CACNA1H: variants seen among roughly 807,000 people sequenced by gnomAD.
The protein encoded by CACNA1H is voltage-dependent T-type calcium channel subunit alpha-1H.
CACNA1H carries 149 observed loss-of-function variants against 192.5 expected under a neutral mutation model. The observed-to-expected ratio is 0.77, with a 90% CI of 0.68 to 0.89. The LOEUF (loss-of-function observed/expected upper bound fraction) is 0.89. Ranked by LOEUF, CACNA1H falls within the 40% of genes least tolerant of loss-of-function variation. CACNA1H has a pLI of 0.00. For missense variants in CACNA1H, 4,257 were observed against 3,423.5 expected (o/e 1.24, Z -6.08); for synonymous variants, 2,202 against 1,475.2 (o/e 1.49, Z -11.29).
chr16:1,203,781 G>T (rs936507260), intron 9 of CACNA1H, among the ~76,000 whole-genome samples: 5 of 152,196 alleles, frequency 3.3e-5, no homozygotes, highest in African/African-American at 1.2e-4. Context: ...AACAGTCGTG[G>T]CTCAGGGCCC....
chr16:1,173,508 T>A (rs1260470525), intron 2 of CACNA1H, among the ~76,000 whole-genome samples: 1 of 152,274 alleles, frequency 6.6e-6, no homozygotes, highest in African/African-American at 2.4e-5. Context: ...TTTTAAAAAA[T>A]TGTTTACTAA....
intron 32 of CACNA1H, 42 bp from the exon 33 acceptor site, chr16:1,218,168 G>T: frequency 6.5e-7 from 1 of 1,536,600 alleles, no homozygotes; most frequent in Non-Finnish European, 8.8e-7. Context: ...TGGCACCCGC[G>T]GGTGGGTGTG....
intron 2 of CACNA1H, chr16:1,157,863 C>T (rs1159730895): frequency 6.6e-6 from 1 of 152,272 alleles, no homozygotes; most frequent in Non-Finnish European, 1.5e-5. Context: ...GTCCCTTCTG[C>T]CTGGGTGGAC....
At chr16:1,165,314 AC>A (rs1963646597) in intron 2 of CACNA1H, among the ~76,000 whole-genome samples, 1 of 152,138 alleles carries the variant, frequency 6.6e-6, no homozygotes, top group South Asian at 2.1e-4. Flanking sequence ...GAATCGGCAG[AC>A]CCAGACCCCA....
In CACNA1H at chr16:1,219,148, C is replaced by G; in HGVS notation, c.6048+18C>G. 6.6e-7 allele frequency: 1 copy of G among 1,512,486 alleles called. No homozygotes were observed. Among genetic ancestry groups the G allele is most frequent in the South Asian group, 1.3e-5 (1 of 79,924 alleles). The allele number at this position is 1,512,486 out of a possible 1,614,324, so 93.7% of individuals were successfully genotyped here. On this transcript the variant is annotated intron_variant, in intron 34 of 34. Transcript: ENST00000348261. ...GCAGACAGGTAGGAGAAGCCGTTGG[C>G]CTGCAGCAGAGGCTGGCGGGGATGG...
At chr16:1,155,366 C>T (rs1215067790) in intron 2 of CACNA1H, among the ~76,000 whole-genome samples, 1 of 152,214 alleles carries the variant, frequency 6.6e-6, no homozygotes, top group Admixed American at 6.5e-5. Context: ...CAGGCCCGGC[C>T]TTGAAGAGCG....
At chr16:1,219,520 C>T (rs752827566) in intron 34 of CACNA1H, among the ~76,000 whole-genome samples, 22 of 152,218 alleles carry the variant, frequency 1.4e-4, no homozygotes, top group Non-Finnish European at 2.4e-4. Flanking sequence ...GGGCAGACAG[C>T]GGCTTTTTCA....
chr16:1,206,059 T>A, intron 11 of CACNA1H, 45 bp from the exon 12 acceptor site: 2 of 1,511,474 alleles, frequency 1.3e-6, no homozygotes, highest in Non-Finnish European at 1.8e-6. Context: ...GGGCCTGGGG[T>A]CAGGGATCGT....
In CACNA1H at chr16:1,207,265, T is replaced by C; in HGVS notation, c.2908-10T>C. 1 of 1,599,700 alleles carries C rather than the reference T, an allele frequency of 6.3e-7. No homozygotes were observed. Among genetic ancestry groups the C allele is most frequent in the Non-Finnish European group, 8.5e-7 (1 of 1,171,672 alleles). ...GGGGTGACCACCCCAGGCCCCCTGC[T>C]ATCCCCCAGATCCTGACCCAGGAGG... On this transcript the variant is annotated splice_polypyrimidine_tract_variant and intron_variant, in intron 13 of 34. Transcript: ENST00000348261.
chr16:1,201,905 C>T lies in CACNA1H; in HGVS notation c.1455C>T (p.Arg485=), dbSNP rs758571433. ...GCCTCTACGCCCGCTGGCAGAGCCG[C>T]TGGCGCAAGAAGGTGGACCCCAGTG... The part of the protein sequence containing the change: ...SLRLYARWQS[R]WRKKVDPSAV... Residue 485 remains arginine (R), a synonymous_variant, in exon 9 of 35, where the codon CGC becomes CGT. Coordinates refer to ENST00000348261, the MANE Select transcript of CACNA1H (RefSeq NM_021098.3). 4 of 1,550,508 alleles carry T rather than the reference C, an allele frequency of 2.6e-6. No homozygotes were observed. The highest frequency in any genetic ancestry group is 2.6e-6 in the Non-Finnish European group (3 of 1,147,094).
rs775374411 is a variant in CACNA1H, at chr16:1,219,072, C to A, written c.5990C>A (p.Ala1997Asp). The A allele has an allele frequency of 1.9e-6, 3 of 1,549,772 alleles. No individual in the cohort carries two copies. The South Asian group carries it at 3.6e-5, about 18-fold the overall frequency. The change falls in exon 34 of 35, where the codon GCC becomes GAC. Residue 1997 changes from alanine to aspartate, a missense_variant. Transcript: ENST00000348261. ...SPARSGEPLH[A>D]LSPRGTARSP... Reference sequence around the variant, plus strand: ...GCCAGGAGCGGCGAGCCCCTCCACGCCCTGTCCCCTCGGGGCACAGCCCGC... The same window carrying A: ...GCCAGGAGCGGCGAGCCCCTCCACGACCTGTCCCCTCGGGGCACAGCCCGC...
At chr16:1,168,555 T>G (rs1358190887) in intron 2 of CACNA1H, among the ~76,000 whole-genome samples, 1 of 151,786 alleles carries the variant, frequency 6.6e-6, no homozygotes, top group Non-Finnish European at 1.5e-5. Flanking sequence ...GAGGGCTCCC[T>G]GGAGGTGGTG....
chr16:1,194,007 G>T (rs1316114652), intron 2 of CACNA1H, among the ~76,000 whole-genome samples: 1 of 152,108 alleles, frequency 6.6e-6, no homozygotes, highest in Non-Finnish European at 1.5e-5. Flanking sequence ...GGCCCGTGTT[G>T]GGCAGGGGGC....
At position 1,201,872 on chromosome 16, in the gene CACNA1H, C is replaced by G; in HGVS notation, c.1422C>G (p.Arg474=). ...VGHIFRKVKR[R]SLRLYARWQS... ...ACATATTCCGCAAGGTCAAGCGGCG[C>G]AGCTTGCGCCTCTACGCCCGCTGGC... Residue 474 remains arginine (R), a synonymous_variant, in exon 9 of 35, where the codon CGC becomes CGG. Coordinates refer to ENST00000348261, the MANE Select transcript of CACNA1H (RefSeq NM_021098.3). The G allele has an allele frequency of 2.6e-6, 4 of 1,555,244 alleles. No individual in the cohort carries two copies. The highest frequency in any genetic ancestry group is 3.5e-6 in the Non-Finnish European group (4 of 1,149,988).
At chr16:1,161,568 G>A (rs952057935) in intron 2 of CACNA1H, among the ~76,000 whole-genome samples, 14 of 152,212 alleles carry the variant, frequency 9.2e-5, no homozygotes, top group African/African-American at 3.4e-4. Flanking sequence ...GCCACAGGAG[G>A]GGGGCTAGCG....
Position 1,198,800 on chromosome 16 carries a change from CCCCTGCCCAGATGG to C in CACNA1H, c.803+36_803+49del, listed in dbSNP as rs751750589. The C allele has an allele frequency of 4.3e-5, 68 of 1,593,274 alleles. No homozygotes were observed. The African/African-American group carries it at 5.4e-4, about 13-fold the overall frequency. ...GTGCCCAGGCCCCACCCCCGTGAGG[CCCCTGCCCAGATGG>C]CCCTGCCCACCATGCAGATAACGCA... On this transcript the variant is annotated intron_variant, in intron 6 of 34. Transcript: ENST00000348261.
chr16:1,208,875 C>T (rs981278714), intron 16 of CACNA1H, among the ~76,000 whole-genome samples, 157 bp from the exon 17 acceptor site: 9 of 152,218 alleles, frequency 5.9e-5, no homozygotes, highest in East Asian at 3.8e-4. Flanking sequence ...GTGGCTGGCT[C>T]GGTGTCCCCC....
intron 2 of CACNA1H, among the ~76,000 whole-genome samples, chr16:1,173,281 C>T (rs113460506): frequency 0.014 from 2,071 of 152,194 alleles, 19 homozygotes; most frequent in Middle Eastern, 0.034. Context: ...TGGGTGGCAT[C>T]GGGAGGCCCA....
Position 1,219,012 on chromosome 16 carries a change from C to A in CACNA1H, c.5930C>A (p.Ala1977Asp), listed in dbSNP as rs775768514. Residue 1977 changes from alanine (A) to aspartate (D), a missense_variant, in exon 34 of 35, where the codon GCC (alanine) becomes GAC (aspartate). Ala to Asp is a moderately radical substitution (Grantham distance 126). Transcript: ENST00000348261. ...SVHSPPAESC[A>D]SLQIPLAVSS... is the part of the protein sequence containing the mutation. ...CACTCTCCGCCCGCAGAGTCCTGTG[C>A]CTCCCTCCAGATCCCATTGGCTGTG... 1 of 1,550,140 alleles carries A rather than the reference C, an allele frequency of 6.5e-7. No homozygotes were observed.
Sources: allele counts gnomAD v4.1 joint callset (sites outside exome capture counted in the v4.1 genomes callset), GRCh38; gene constraint gnomAD v4.1.1; transcripts MANE v1.5; gene names NCBI Gene and HGNC (gene_info 2026-07-23, HGNC 2026-07-21).